The following CLOCK variants were observed in gnomAD, a reference collection of about 807,000 sequenced individuals.
The protein encoded by CLOCK is clock circadian regulator, also known as circadian locomoter output cycles protein kaput.
In CLOCK, 43 loss-of-function variants were observed where a neutral mutation model predicts 118.4. That is an observed-to-expected ratio of 0.36 (90% CI 0.28 to 0.47). The LOEUF is 0.47. CLOCK is among the 20% of genes least tolerant of loss of function. CLOCK has a pLI of 1.00. For synonymous variants in CLOCK, 326 were observed against 339.2 expected (o/e 0.96, Z 0.43); for missense variants, 846 against 999.9 (o/e 0.85, Z 2.08).
At chr4:55,516,635 A>T (rs1729533141) in intron 1 of CLOCK, among the ~76,000 whole-genome samples, 2 of 152,062 alleles carry the variant, frequency 1.3e-5, no homozygotes, top group African/African-American at 2.4e-5. Context: ...TTAAGCCTTG[A>T]TTTTTCATCC....
intron 2 of CLOCK, among the ~76,000 whole-genome samples, chr4:55,490,324 A>G (rs1330524206): frequency 6.7e-6 from 1 of 150,222 alleles, no homozygotes; most frequent in African/African-American, 2.4e-5. Context: ...GCAATTATAA[A>G]TATATATATA....
At chr4:55,479,572 C>T in intron 5 of CLOCK, 68 bp downstream of exon 5, 5 of 1,260,352 alleles carry the variant, frequency 4.0e-6, no homozygotes, top group Non-Finnish European at 2.3e-6. Flanking sequence ...CATTTATTCA[C>T]TATTTATTTA....
Position 55,541,163 on chromosome 4 carries a change from A to G in CLOCK, c.-290+5619T>C, listed in dbSNP as rs544806888. On this transcript the variant is annotated intron_variant, in intron 1 of 22. Transcript: ENST00000513440. The stretch of plus-strand genomic sequence containing the variant: ...AACATTTGCATAATCAAAAAAATGG[A>G]AAAAAACAGGAATCTCGGTATCCAC... Among the ~76,000 whole-genome samples, 6 of 151,846 alleles carry G rather than the reference A, an allele frequency of 4.0e-5. No homozygotes were observed. In the South Asian group the frequency reaches 1.2e-3, roughly 31 times the overall value.
rs577164133 is a variant in CLOCK, at chr4:55,533,418, C to A, written c.-290+13364G>T. Among the ~76,000 whole-genome samples the A allele has an allele frequency of 1.6e-4, 25 of 152,192 alleles. No individual in the cohort carries two copies. The East Asian group carries it at 4.8e-3, about 29-fold the overall frequency. On this transcript the variant is annotated intron_variant, in intron 1 of 22. Coordinates refer to ENST00000513440, the MANE Select transcript of CLOCK (RefSeq NM_004898.4). ...GTTGGGAAAACTGAATATCCACATGCCAAAGAATGAAGCCAAAATATGATA... is the reference window on the plus strand; with the variant it reads ...GTTGGGAAAACTGAATATCCACATGACAAAGAATGAAGCCAAAATATGATA...
chr4:55,531,433 G>A (rs115182560), intron 1 of CLOCK, among the ~76,000 whole-genome samples: 4,250 of 152,122 alleles, frequency 0.028, 207 homozygotes, highest in African/African-American at 0.097. Context: ...CAGGCCAGGC[G>A]TGGTGGCTCA....
intron 7 of CLOCK, 85 bp downstream of exon 7, chr4:55,475,878 C>T (rs374900805): frequency 1.0e-5 from 9 of 873,710 alleles, no homozygotes; most frequent in African/African-American, 6.6e-5. Context: ...CTCGCAATAT[C>T]GCCAAGGTAC....
chr4:55,543,799 G>A (rs1731437088), intron 1 of CLOCK, among the ~76,000 whole-genome samples: 1 of 151,666 alleles, frequency 6.6e-6, no homozygotes. Context: ...AAATTGAAAT[G>A]TAATTCCATT....
intron 1 of CLOCK, among the ~76,000 whole-genome samples, chr4:55,522,503 T>TAA (rs138608156): frequency 2.0e-5 from 3 of 149,600 alleles, no homozygotes; most frequent in African/African-American, 7.5e-5. Context: ...CTGTTTTTTT[T>TAA]TAAAAAAAAA....
At chr4:55,465,047 T>C (rs1024023580) in intron 8 of CLOCK, among the ~76,000 whole-genome samples, 7 of 152,168 alleles carry the variant, frequency 4.6e-5, no homozygotes, top group Admixed American at 4.6e-4. Flanking sequence ...ACATTAAAAA[T>C]AAAATTCTTT....
At chr4:55,455,763 T>C (rs776863574) in intron 13 of CLOCK, 134 bp downstream of exon 13, 4 of 712,942 alleles carry the variant, frequency 5.6e-6, no homozygotes, top group Non-Finnish European at 9.9e-6. Context: ...GTTATATACA[T>C]AAAGCAAAAT....
At chr4:55,492,720 C>T (rs13128179) in intron 2 of CLOCK, among the ~76,000 whole-genome samples, 46,124 of 151,828 alleles carry the variant, frequency 0.3, 7,609 homozygotes, top group East Asian at 0.58. Context: ...TGGCACACGC[C>T]TGTAATCCCA....
Position 55,479,685 on chromosome 4 carries a change from ATAC to A in CLOCK, c.59_61del (p.Ser20del), listed in dbSNP as rs1726782497. On this transcript the variant is annotated inframe_deletion, in exon 5 of 23. Coordinates refer to ENST00000513440, the MANE Select transcript of CLOCK (RefSeq NM_004898.4). ...ATCTTCTTCCACCAACCCATCAAAA[ATAC>A]TACTGTCATCTCTAAAAGAAAGCGG... is the stretch of plus-strand genomic sequence containing the variant. 1.9e-6 allele frequency: 3 copies of A among 1,612,942 alleles called. No individual in the cohort carries two copies. Among genetic ancestry groups the A allele is most frequent in the Non-Finnish European group, 2.5e-6 (3 of 1,179,262 alleles).
At chr4:55,509,134 A>G (rs1336543591) in intron 2 of CLOCK, among the ~76,000 whole-genome samples, 1 of 152,226 alleles carries the variant, frequency 6.6e-6, no homozygotes, top group Non-Finnish European at 1.5e-5. Flanking sequence ...TTGTGCCATG[A>G]TGACATGATG....
intron 1 of CLOCK, among the ~76,000 whole-genome samples, chr4:55,542,998 T>C (rs905905324): frequency 6.6e-6 from 1 of 152,150 alleles, no homozygotes; most frequent in African/African-American, 2.4e-5. Context: ...TCACCAAGGC[T>C]GAACTCCTGG....
chr4:55,503,739 A>C (rs1728580735), intron 2 of CLOCK, among the ~76,000 whole-genome samples: 1 of 152,056 alleles, frequency 6.6e-6, no homozygotes, highest in African/African-American at 2.4e-5. Flanking sequence ...GTGGGTACTA[A>C]AAGTCATGTT....
In CLOCK at chr4:55,482,838, A is replaced by G. The variant is rs1229061467; in HGVS notation, c.-43-10T>C. The G allele has an allele frequency of 7.1e-6, 9 of 1,275,804 alleles. No individual in the cohort carries two copies. The Admixed American group carries it at 7.5e-5, about 11-fold the overall frequency. 79.0% of individuals were successfully genotyped at this position (1,275,804 alleles called of 1,614,324 possible). On this transcript the variant is annotated splice_polypyrimidine_tract_variant and intron_variant, in intron 3 of 22. Transcript: ENST00000513440. ...GACATTTGTACTTCTCCTTAGGTGA[A>G]AAGAAAAATAAATGGTCATTAGTTT... is the stretch of plus-strand genomic sequence containing the variant.
intron 1 of CLOCK, among the ~76,000 whole-genome samples, chr4:55,526,963 G>C (rs1157713180): frequency 2.6e-5 from 2 of 77,588 alleles, no homozygotes; most frequent in African/African-American, 9.3e-5. Context: ...AAAAAAAAAA[G>C]CTCTAAAAAC....
At chr4:55,523,831 T>C (rs765657880) in intron 1 of CLOCK, among the ~76,000 whole-genome samples, 1 of 152,232 alleles carries the variant, frequency 6.6e-6, no homozygotes, top group Non-Finnish European at 1.5e-5. Context: ...TTTGAAACCT[T>C]TGATGGCTTA....
intron 18 of CLOCK, among the ~76,000 whole-genome samples, chr4:55,447,716 A>G (rs1313422774): frequency 1.3e-5 from 2 of 152,218 alleles, no homozygotes; most frequent in East Asian, 1.9e-4. Flanking sequence ...GAAAGTATGT[A>G]TCTCCTATCA....
Sources: allele counts gnomAD v4.1 joint callset (sites outside exome capture counted in the v4.1 genomes callset), GRCh38; gene constraint gnomAD v4.1.1; transcripts MANE v1.5; gene names NCBI Gene and HGNC (gene_info 2026-07-23, HGNC 2026-07-21).